POM121: variants seen among roughly 807,000 people sequenced by gnomAD.
The protein encoded by POM121 is nuclear envelope pore membrane protein POM 121.
A neutral mutation model predicts 81.3 loss-of-function variants in POM121; 32 were observed. That is an observed-to-expected ratio of 0.39 (90% CI 0.30 to 0.53). The LOEUF (loss-of-function observed/expected upper bound fraction) is 0.53, where lower values mean the gene tolerates loss of function less well. Among genes scored for constraint, POM121 ranks in the 20% least tolerant of loss-of-function variants. The probability of loss-of-function intolerance (pLI) is 0.66; values close to 1 mark genes in which losing one functional copy is unlikely to be tolerated. For missense variants in POM121, 1,138 were observed against 1,614.6 expected (o/e 0.70, Z 5.06); for synonymous variants, 514 against 694.2 (o/e 0.74, Z 4.08).
rs1345895912 is a variant in POM121, at chr7:72,925,654, G to T, written c.533G>T (p.Arg178Leu). 2 of 995,138 alleles carry T rather than the reference G, an allele frequency of 2.0e-6. No individual in the cohort carries two copies. Among genetic ancestry groups the T allele is most frequent in the Admixed American group, 7.3e-5 (1 of 13,654 alleles). 61.6% of individuals were successfully genotyped at this position (995,138 alleles called of 1,614,324 possible). Residue 178 changes from arginine to leucine, a missense_variant, in exon 1 of 13, where the codon CGC becomes CTC. Around this residue, in one of 7 missense-constraint regions of POM121, gnomAD observed 646 missense variants for 633.5 expected, o/e 1.02. Coordinates refer to ENST00000434423, the MANE Select transcript of POM121 (RefSeq NM_001387691.1). ...ARPAPRSPPP[R>L]SPPPRSPPPS... Reference sequence around the variant, plus strand: ...CCGGCGCCGCGCTCCCCACCGCCGCGCTCCCCACCGCCGCGCTCCCCCCCG... The same window carrying T: ...CCGGCGCCGCGCTCCCCACCGCCGCTCTCCCCACCGCCGCGCTCCCCCCCG...
chr7:72,913,243 C>T (rs2129576482), intron 3 of POM121, among the ~76,000 whole-genome samples: 1 of 152,346 alleles, frequency 6.6e-6, no homozygotes, highest in African/African-American at 2.4e-5. Flanking sequence ...GTGGCAGCAA[C>T]TTAACTCTTT....
intron 3 of POM121, among the ~76,000 whole-genome samples, chr7:72,893,378 TC>T (rs1358890211): frequency 1.3e-5 from 2 of 151,552 alleles, no homozygotes; most frequent in African/African-American, 4.8e-5. Flanking sequence ...GGTCAGGAGA[TC>T]GAGACCATCC....
intron 3 of POM121, among the ~76,000 whole-genome samples, chr7:72,907,180 A>G (rs1793329385): frequency 6.6e-6 from 1 of 152,088 alleles, no homozygotes; most frequent in Non-Finnish European, 1.5e-5. Context: ...ATAGGATTTT[A>G]TAGGTGGCTG....
At chr7:72,879,807 G>A in exon 1 of POM121, 1 of 501,332 alleles carries the variant, frequency 2.0e-6, no homozygotes, top group South Asian at 1.4e-5. Flanking sequence ...GACTTCGCGA[G>A]CAGACGCGCG....
intron 3 of POM121, 140 bp from the exon 4 acceptor site, chr7:72,928,245 A>G: frequency 1.6e-6 from 2 of 1,261,090 alleles, no homozygotes; most frequent in Non-Finnish European, 2.2e-6. Context: ...AAGCTTAGGG[A>G]TTTTAAACAA....
chr7:72,927,463 A>T (rs1271636856), intron 3 of POM121, among the ~76,000 whole-genome samples: 1 of 152,206 alleles, frequency 6.6e-6, no homozygotes, highest in East Asian at 1.9e-4. Flanking sequence ...TAATCTCAGC[A>T]CTTTGAGAGG....
intron 3 of POM121, among the ~76,000 whole-genome samples, chr7:72,899,464 A>C (rs1332853158): frequency 6.6e-6 from 1 of 152,116 alleles, no homozygotes; most frequent in Non-Finnish European, 1.5e-5. Context: ...AAAGTGGAAA[A>C]ATGTTAACTG....
chr7:72,886,229 A>G (rs1339931718), intron 1 of POM121, among the ~76,000 whole-genome samples: 1 of 152,048 alleles, frequency 6.6e-6, no homozygotes, highest in African/African-American at 2.4e-5. Flanking sequence ...GCTGGAGTGC[A>G]GGGGTGCTAT....
chr7:72,880,100 C>G (rs1789985727), intron 1 of POM121, among the ~76,000 whole-genome samples: 1 of 152,194 alleles, frequency 6.6e-6, no homozygotes, highest in South Asian at 2.1e-4. Flanking sequence ...TGTCACCACC[C>G]TCAGCTGCGG....
At chr7:72,924,256 T>A (rs1183605420), upstream of POM121, among the ~76,000 whole-genome samples, 1 of 152,152 alleles carries the variant, frequency 6.6e-6, no homozygotes, top group Non-Finnish European at 1.5e-5. Flanking sequence ...TGAATTGCAA[T>A]CTTCTACTTA....
chr7:72,940,068 T>C, intron 8 of POM121, 100 bp downstream of exon 8: 1 of 1,459,620 alleles, frequency 6.9e-7, no homozygotes. Flanking sequence ...TCTAATTTAT[T>C]TTTGTTTTTG....
chr7:72,945,283 G>A lies in POM121; in HGVS notation c.3530-303G>A, dbSNP rs550755506. Among the ~76,000 whole-genome samples the A allele has an allele frequency of 1.6e-3, 242 of 152,188 alleles. 3 individuals are homozygous for A. The highest frequency in any genetic ancestry group is 5.6e-3 in the African/African-American group (234 of 41,524). On this transcript the variant is annotated intron_variant, in intron 11 of 12. Transcript: ENST00000434423. ...AGCCAACCCAGGTACGCTAGGAGGC[G>A]GGGGCCCCAGAGTACTCCCCTCTGC...
chr7:72,911,941 G>T (rs1793847802), intron 3 of POM121, among the ~76,000 whole-genome samples: 5 of 152,212 alleles, frequency 3.3e-5, no homozygotes, highest in Admixed American at 3.3e-4. Context: ...ACCCAGGCTG[G>T]AGTGCAGTGG....
In POM121 at chr7:72,939,434, G is replaced by A. The variant is rs781791538; in HGVS notation, c.1441+25G>A. 2.5e-6 allele frequency: 4 copies of A among 1,613,362 alleles called. No individual in the cohort carries two copies. The Admixed American group carries it at 6.7e-5, about 27-fold the overall frequency. On this transcript the variant is annotated intron_variant, in intron 7 of 12. Transcript: ENST00000434423. The stretch of plus-strand genomic sequence containing the variant: ...GGTAGGTTGCTGAGCCAGGAGGAGG[G>A]GCTGCTGTTGGTGGTGGAGGTGTTT...
At position 72,946,242 on chromosome 7, in the gene POM121, C is replaced by A; in HGVS notation, c.*8C>A. 3 of 1,611,094 alleles carry A rather than the reference C, an allele frequency of 1.9e-6. No homozygotes were observed. Among genetic ancestry groups the A allele is most frequent in the Non-Finnish European group, 2.5e-6 (3 of 1,179,404 alleles). ...CACACCCGCAAAAAGTAGCCTTTGT[C>A]CCCTGTCCCTGTTCCCCCCACCCCT... On this transcript the variant is annotated 3_prime_UTR_variant, in exon 13 of 13. Transcript: ENST00000434423.
chr7:72,937,284 G>A (rs1472368320), intron 5 of POM121, among the ~76,000 whole-genome samples: 1 of 152,154 alleles, frequency 6.6e-6, no homozygotes, highest in East Asian at 1.9e-4. Flanking sequence ...AGGTGACTGA[G>A]CCGTCCTTTG....
downstream of POM121, chr7:72,948,737 C>T (rs782494041): frequency 3.2e-5 from 49 of 1,554,872 alleles, no homozygotes; most frequent in Admixed American, 2.0e-4. Context: ...GGGGGAAGCC[C>T]GGAGGCAGTG....
intron 3 of POM121, among the ~76,000 whole-genome samples, chr7:72,903,188 C>G (rs1166581076): frequency 6.6e-6 from 1 of 152,144 alleles, no homozygotes; most frequent in Non-Finnish European, 1.5e-5. Context: ...GTAATCTCAG[C>G]ACTTTGGGAG....
At chr7:72,907,033 T>G (rs1320601988) in intron 3 of POM121, among the ~76,000 whole-genome samples, 3 of 152,230 alleles carry the variant, frequency 2.0e-5, no homozygotes, top group Non-Finnish European at 4.4e-5. Flanking sequence ...TTTTCTAAGT[T>G]GTTCCCTCTG....
Sources: allele counts gnomAD v4.1 joint callset (sites outside exome capture counted in the v4.1 genomes callset), GRCh38; gene constraint gnomAD v4.1.1; regional missense constraint gnomAD v4.1.1; transcripts MANE v1.5; gene names NCBI Gene and HGNC (gene_info 2026-07-23, HGNC 2026-07-21).